POU2F3: variants seen among roughly 807,000 people sequenced by gnomAD.
POU2F3 encodes POU class 2 homeobox 3, also known as POU domain, class 2, transcription factor 3.
POU2F3 carries 23 observed loss-of-function variants against 59.2 expected under a neutral mutation model. The observed-to-expected ratio is 0.39, with a 90% CI of 0.28 to 0.55. The LOEUF is 0.55. Among genes scored for constraint, POU2F3 ranks in the 20% least tolerant of loss-of-function variants. POU2F3 has a pLI of 0.66. For synonymous variants in POU2F3, 190 were observed against 214.6 expected (o/e 0.89, Z 1.00); for missense variants, 473 against 544.5 (o/e 0.87, Z 1.31).
chr11:120,305,889 C>T, intron 8 of POU2F3, 104 bp downstream of exon 8: 4 of 1,367,508 alleles, frequency 2.9e-6, no homozygotes, highest in Non-Finnish European at 4.0e-6. Flanking sequence ...CCTAACACCC[C>T]CTTCTTCTCC....
chr11:120,292,678 AAAAGAG>A (rs1489984080), intron 3 of POU2F3, among the ~76,000 whole-genome samples: 2 of 152,212 alleles, frequency 1.3e-5, no homozygotes. Flanking sequence ...TGAGGTTCAC[AAAAGAG>A]AACTCCCATC....
intron 3 of POU2F3, among the ~76,000 whole-genome samples, chr11:120,274,307 G>T (rs1940231749): frequency 6.6e-6 from 1 of 152,156 alleles, no homozygotes; most frequent in Non-Finnish European, 1.5e-5. Context: ...CTGTCTCACG[G>T]GGTTATTGTG....
chr11:120,293,934 C>A (rs1240045954), intron 3 of POU2F3, among the ~76,000 whole-genome samples: 1 of 152,130 alleles, frequency 6.6e-6, no homozygotes, highest in Non-Finnish European at 1.5e-5. Context: ...ACTCTCTTGT[C>A]AGAGTTCTGC....
At chr11:120,236,877 G>A (rs1938517562), upstream of POU2F3, among the ~76,000 whole-genome samples, 1 of 152,244 alleles carries the variant, frequency 6.6e-6, no homozygotes, top group Non-Finnish European at 1.5e-5. Context: ...TGAGGGAGAA[G>A]CAGGGAAGAG....
At chr11:120,249,260 G>A (rs548178181) in intron 2 of POU2F3, among the ~76,000 whole-genome samples, 1 of 152,352 alleles carries the variant, frequency 6.6e-6, no homozygotes, top group South Asian at 2.1e-4. Context: ...CAGAGCCCCT[G>A]TTCAGTACTC....
chr11:120,290,289 G>C (rs1299128964), intron 3 of POU2F3, among the ~76,000 whole-genome samples: 1 of 152,216 alleles, frequency 6.6e-6, no homozygotes, highest in Non-Finnish European at 1.5e-5. Flanking sequence ...ATTCAGACCT[G>C]TTGAAAACTT....
chr11:120,279,735 A>G (rs1484103951), intron 3 of POU2F3, among the ~76,000 whole-genome samples: 1 of 152,246 alleles, frequency 6.6e-6, no homozygotes, highest in Non-Finnish European at 1.5e-5. Flanking sequence ...TGGGTGGACC[A>G]AGCCCTGTGG....
chr11:120,242,520 G>A (rs1375696386), intron 1 of POU2F3, among the ~76,000 whole-genome samples: 3 of 152,126 alleles, frequency 2.0e-5, no homozygotes, highest in Non-Finnish European at 2.9e-5. Context: ...TTGATAAATA[G>A]TACTTCTCCT....
At chr11:120,245,019 A>G (rs151116603) in intron 1 of POU2F3, among the ~76,000 whole-genome samples, 10 of 152,178 alleles carry the variant, frequency 6.6e-5, no homozygotes, top group Non-Finnish European at 1.2e-4. Context: ...AGTGCAGTGT[A>G]GATTTGTCTG....
chr11:120,295,936 C>T (rs1232679828), intron 3 of POU2F3, among the ~76,000 whole-genome samples: 2 of 152,212 alleles, frequency 1.3e-5, no homozygotes, highest in Admixed American at 1.3e-4. Flanking sequence ...CATCTTCTTA[C>T]CAATTTCTGT....
Position 120,240,371 on chromosome 11 carries a change from G to C in POU2F3, c.28G>C (p.Asp10His). Residue 10 changes from aspartate (D) to histidine (H), a missense_variant and splice_region_variant, in exon 1 of 13, where the codon GAT becomes CAT. Coordinates refer to ENST00000543440, the MANE Select transcript of POU2F3 (RefSeq NM_014352.4). ...GGTGAATCTGGAGTCCATGCACACA[G>C]GTGAGGGGCGGAGGGAATGAGCTCT... The part of the protein sequence containing the change: MVNLESMHT[D>H]IKMSGDVADS... The C allele has an allele frequency of 7.0e-7, 1 of 1,429,408 alleles. No individual in the cohort carries two copies. The highest frequency in any genetic ancestry group is 9.2e-7 in the Non-Finnish European group (1 of 1,082,068). 88.5% of individuals were successfully genotyped at this position (1,429,408 alleles called of 1,614,324 possible).
chr11:120,237,033 G>A (rs1364777443), upstream of POU2F3, among the ~76,000 whole-genome samples: 3 of 152,200 alleles, frequency 2.0e-5, no homozygotes, highest in Non-Finnish European at 4.4e-5. Flanking sequence ...GGGAAGCTCA[G>A]ATTCAGAAAC....
chr11:120,305,632 C>T lies in POU2F3; in HGVS notation c.628-12C>T, dbSNP rs755372049. On this transcript the variant is annotated splice_polypyrimidine_tract_variant and intron_variant, in intron 7 of 12. Transcript: ENST00000543440. ...GCCTCTCATGTTCCTCCCCCTCGGTCCCCACGCTTAGGGAGATGTGGGGCT... is the reference window on the plus strand; with the variant it reads ...GCCTCTCATGTTCCTCCCCCTCGGTTCCCACGCTTAGGGAGATGTGGGGCT... 3.7e-6 allele frequency: 6 copies of T among 1,613,252 alleles called. No individual in the cohort carries two copies. Among genetic ancestry groups the T allele is most frequent in the South Asian group, 3.3e-5 (3 of 90,980 alleles).
At position 120,309,459 on chromosome 11, in the gene POU2F3, T is replaced by C; in HGVS notation, c.941T>C (p.Ile314Thr). 2 of 1,614,020 alleles carry C rather than the reference T, an allele frequency of 1.2e-6. No individual in the cohort carries two copies. Among genetic ancestry groups the C allele is most frequent in the East Asian group, 4.5e-5 (2 of 44,874 alleles). Residue 314 changes from isoleucine to threonine, a missense_variant, in exon 10 of 13, where the codon ATT becomes ACT. By Grantham distance (89) the Ile-to-Thr change is moderately conservative (BLOSUM62 -1). Transcript: ENST00000543440. ...PKPSSEEISM[I>T]AEQLSMEKEV... ...CCCAGCTCGGAGGAGATCTCCATGA[T>C]TGCAGAGCAGTTGTCCATGGAGAAG...
At chr11:120,307,835 T>C (rs1386350320) in intron 9 of POU2F3, among the ~76,000 whole-genome samples, 1 of 152,194 alleles carries the variant, frequency 6.6e-6, no homozygotes, top group Non-Finnish European at 1.5e-5. Flanking sequence ...CTGACCCTTC[T>C]TGCCCTGACA....
intron 6 of POU2F3, among the ~76,000 whole-genome samples, chr11:120,304,626 A>G (rs1407916149): frequency 6.6e-6 from 1 of 152,070 alleles, no homozygotes; most frequent in East Asian, 1.9e-4. Flanking sequence ...AAACAAAAAA[A>G]CAAAGCAAGC....
Position 120,317,290 on chromosome 11 carries a change from C to T in POU2F3, c.1197C>T (p.His399=), listed in dbSNP as rs147219684. The change falls in exon 12 of 13, where the codon CAC becomes CAT. Residue 399 remains histidine, a synonymous_variant. Transcript: ENST00000543440. Reference sequence around the variant, plus strand: ...CTTCATCTCCTGGCTCAGGACTCCACGCCAGCAGCCCCACTGCATCTCAAA... The same window carrying T: ...CTTCATCTCCTGGCTCAGGACTCCATGCCAGCAGCCCCACTGCATCTCAAA... ...SRPSSPGSGL[H]ASSPTASQNN... The T allele has an allele frequency of 2.9e-4, 471 of 1,613,990 alleles. 3 individuals are homozygous for T. The East Asian group carries it at 6.8e-3, about 23-fold the overall frequency.
At position 120,315,418 on chromosome 11, in the gene POU2F3, C is replaced by T. The variant is rs577413155; in HGVS notation, c.1126C>T (p.Pro376Ser). Residue 376 changes from proline (P) to serine (S), a missense_variant, in exon 11 of 13, where the codon CCT (proline) becomes TCT (serine). Transcript: ENST00000543440. Reference protein sequence around the residue: ...LSVPPVHSTMPGTVTSSCSPG... With the variant: ...LSVPPVHSTMSGTVTSSCSPG... ...TGTCCCTCCTGTCCACAGTACCATG[C>T]CTGGAACAGGTGAGCTTTAAAATGA... 41 of 1,612,848 alleles carry T rather than the reference C, an allele frequency of 2.5e-5. No homozygotes were observed. In the South Asian group the frequency reaches 4.0e-4, roughly 16 times the overall value.
intron 2 of POU2F3, among the ~76,000 whole-genome samples, chr11:120,255,326 T>A (rs1389701279): frequency 6.6e-6 from 1 of 152,112 alleles, no homozygotes; most frequent in Non-Finnish European, 1.5e-5. Flanking sequence ...TCCCTTCAGC[T>A]GCTTGGGCTG....
Sources: allele counts gnomAD v4.1 joint callset (sites outside exome capture counted in the v4.1 genomes callset), GRCh38; gene constraint gnomAD v4.1.1; transcripts MANE v1.5; gene names NCBI Gene and HGNC (gene_info 2026-07-23, HGNC 2026-07-21).